The following MRLN variants were observed in gnomAD, a reference collection of about 807,000 sequenced individuals.
The protein encoded by MRLN is Linc-RNA activator of myogenesis.
At chr10:59,744,601 T>C (rs1406895588) in intron 1 of MRLN, among the ~76,000 whole-genome samples, 3 of 152,152 alleles carry the variant, frequency 2.0e-5, no homozygotes, top group African/African-American at 7.2e-5. Context: ...CCACCCGGTC[T>C]GGGAGGTGTA....
chr10:59,744,298 G>A, intron 1 of MRLN: 1 of 155,960 alleles, frequency 6.4e-6, no homozygotes, highest in Non-Finnish European at 1.4e-5. Context: ...TGTGAAGAGT[G>A]CCTCTGCCCG....
intron 1 of MRLN, among the ~76,000 whole-genome samples, chr10:59,743,028 C>A (rs987511289): frequency 2.0e-5 from 3 of 152,084 alleles, no homozygotes; most frequent in Non-Finnish European, 4.4e-5. Context: ...CTGTACCTGG[C>A]CTTCATGTGC....
chr10:59,747,813 C>G lies in MRLN; in HGVS notation c.-125+5541G>C, dbSNP rs79293016. On this transcript the variant is annotated intron_variant, in intron 1 of 2. Coordinates refer to ENST00000414264, the MANE Select transcript of MRLN (RefSeq NM_001304731.2). The stretch of plus-strand genomic sequence containing the variant: ...ACACTCTCCGACACTAATTAGTTCT[C>G]AAAAAATACTGACTTGACTATACTT... Among the ~76,000 whole-genome samples the G allele has an allele frequency of 8.3e-3, 1,271 of 152,284 alleles. 8 individuals carry two copies. The highest frequency in any genetic ancestry group is 0.018 in the South Asian group (85 of 4,828).
At chr10:59,745,249 T>C (rs1415440340) in intron 1 of MRLN, among the ~76,000 whole-genome samples, 1 of 152,216 alleles carries the variant, frequency 6.6e-6, no homozygotes, top group Non-Finnish European at 1.5e-5. Flanking sequence ...TCCTAGTTTT[T>C]ATCTGATAGA....
At chr10:59,738,083 C>T (rs937204445) in intron 2 of MRLN, 1 of 152,128 alleles carries the variant, frequency 6.6e-6, no homozygotes, top group Non-Finnish European at 1.5e-5. Flanking sequence ...GAGTACTCTG[C>T]CAGTGTTGTC....
At chr10:59,747,371 T>C (rs556470884) in intron 1 of MRLN, among the ~76,000 whole-genome samples, 1 of 152,342 alleles carries the variant, frequency 6.6e-6, no homozygotes, top group Admixed American at 6.5e-5. Context: ...TGTGCCTCAG[T>C]TGGCACTTCC....
intron 1 of MRLN, among the ~76,000 whole-genome samples, chr10:59,743,397 A>G (rs950762220): frequency 1.3e-5 from 2 of 152,204 alleles, no homozygotes; most frequent in African/African-American, 4.8e-5. Flanking sequence ...AATATGAATG[A>G]AAGGAAAATT....
At chr10:59,750,597 A>G (rs1487270135) in intron 1 of MRLN, among the ~76,000 whole-genome samples, 3 of 152,240 alleles carry the variant, frequency 2.0e-5, no homozygotes, top group Non-Finnish European at 4.4e-5. Context: ...CCCTGAGATG[A>G]CATGAATTTA....
At chr10:59,743,797 T>A (rs1468776485) in intron 1 of MRLN, among the ~76,000 whole-genome samples, 1 of 152,128 alleles carries the variant, frequency 6.6e-6, no homozygotes, top group Non-Finnish European at 1.5e-5. Context: ...GCCGAGTGCC[T>A]GGGATTGCAG....
At chr10:59,743,644 T>C (rs1841007452) in intron 1 of MRLN, among the ~76,000 whole-genome samples, 1 of 152,072 alleles carries the variant, frequency 6.6e-6, no homozygotes, top group South Asian at 2.1e-4. Flanking sequence ...GGATTTACAT[T>C]GAAAATGAAT....
chr10:59,737,311 G>A (rs956057741), intron 2 of MRLN, 91 bp from the exon 3 acceptor site: 1 of 377,816 alleles, frequency 2.6e-6, no homozygotes, highest in African/African-American at 2.1e-5. Flanking sequence ...TAAAAAGATT[G>A]TGAACAAGGT....
At chr10:59,750,727 T>C (rs1841093774) in intron 1 of MRLN, among the ~76,000 whole-genome samples, 1 of 152,256 alleles carries the variant, frequency 6.6e-6, no homozygotes, top group South Asian at 2.1e-4. Flanking sequence ...TGATGCACTT[T>C]TACAAAGCCG....
intron 1 of MRLN, among the ~76,000 whole-genome samples, chr10:59,747,512 T>C (rs1841054494): frequency 1.3e-5 from 2 of 152,224 alleles, no homozygotes; most frequent in Non-Finnish European, 2.9e-5. Context: ...CATATTACTG[T>C]TAGACAGTAG....
intron 1 of MRLN, among the ~76,000 whole-genome samples, chr10:59,742,577 G>T (rs1840994971): frequency 1.3e-5 from 2 of 152,108 alleles, no homozygotes; most frequent in South Asian, 4.2e-4. Context: ...TCTTGTCCTG[G>T]GTGGTGGTTA....
In MRLN at chr10:59,737,648, C is replaced by CAA. The variant is rs60567923; in HGVS notation, c.-20-430_-20-429dup. Among the ~76,000 whole-genome samples, 431 of 50,280 alleles carry CAA rather than the reference C, an allele frequency of 8.6e-3. 5 individuals carry two copies. The highest frequency in any genetic ancestry group is 0.023 in the African/African-American group (389 of 16,938). The allele number at this position is 50,280 out of a possible 152,430, so 33.0% of individuals were successfully genotyped here. A position where few individuals can be genotyped will look rare whatever the true frequency, so the allele number is the denominator to read the frequency against. On this transcript the variant is annotated intron_variant, in intron 2 of 2. Transcript: ENST00000414264. ...GACATGAAAAAAGGCAGGTACTGAT[C>CAA]AAAAAAAAAAAAAAAAAAAGGTATT...
At chr10:59,752,401 T>C (rs2132597872) in intron 1 of MRLN, among the ~76,000 whole-genome samples, 1 of 152,302 alleles carries the variant, frequency 6.6e-6, no homozygotes, top group Middle Eastern at 3.4e-3. Flanking sequence ...CCCCACCACG[T>C]TGTAAAAGAG....
At chr10:59,742,641 G>GATTT (rs1840995641) in intron 1 of MRLN, among the ~76,000 whole-genome samples, 1 of 152,048 alleles carries the variant, frequency 6.6e-6, no homozygotes, top group South Asian at 2.1e-4. Context: ...AGCTTCATGT[G>GATTT]ATTTATTTCC....
chr10:59,745,044 C>T (rs7919794), intron 1 of MRLN, among the ~76,000 whole-genome samples: 14,403 of 151,952 alleles, frequency 0.095, 755 homozygotes, highest in East Asian at 0.2. Context: ...GACCTTCCCT[C>T]CACTATTGTC....
At chr10:59,742,408 T>G (rs1423502665) in intron 1 of MRLN, among the ~76,000 whole-genome samples, 2 of 152,110 alleles carry the variant, frequency 1.3e-5, no homozygotes, top group Non-Finnish European at 2.9e-5. Context: ...AAAATAGAGT[T>G]AAAGTGCATG....
Sources: gnomAD v4.1 joint callset for allele counts (sites outside exome capture counted in the v4.1 genomes callset) on GRCh38, gnomAD v4.1.1 for gene constraint, MANE v1.5 for transcripts, NCBI Gene and HGNC (gene_info 2026-07-23, HGNC 2026-07-21) for gene names.